Variants in NTM observed in about 807,000 individuals in gnomAD.
NTM encodes the protein IgLON family member 2.
In NTM, 13 loss-of-function variants were observed where a neutral mutation model predicts 42.1. The ratio of observed to expected loss-of-function variants is 0.31; its 90% CI spans 0.20 to 0.49. NTM has a LOEUF of 0.49. Among genes scored for constraint, NTM ranks in the 20% least tolerant of loss-of-function variants. The probability of loss-of-function intolerance (pLI) is 0.99; values close to 1 mark genes in which losing one functional copy is unlikely to be tolerated. For missense variants in NTM, 373 were observed against 452.8 expected (o/e 0.82, Z 1.60); for synonymous variants, 187 against 179.2 (o/e 1.04, Z -0.35).
intron 1 of NTM, among the ~76,000 whole-genome samples, chr11:131,885,484 T>C (rs998252390): frequency 3.9e-5 from 6 of 152,042 alleles, no homozygotes; most frequent in East Asian, 1.9e-4. Context: ...GTCTTCATTA[T>C]GAAATTAGAT....
At chr11:131,471,079 T>C (rs2136177473) in intron 1 of NTM, among the ~76,000 whole-genome samples, 1 of 152,316 alleles carries the variant, frequency 6.6e-6, no homozygotes, top group Non-Finnish European at 1.5e-5. Flanking sequence ...AGTGAATTCC[T>C]GAACAATCAA....
rs1555162387 is a variant in NTM, at chr11:131,873,549, C to CGGT, written c.83-38015_83-38014insGGT. 4.9e-5 allele frequency among the ~76,000 whole-genome samples: 2 copies of CGGT among 40,788 alleles called. 1 individual carries two copies. Among genetic ancestry groups the CGGT allele is most frequent in the African/African-American group, 1.4e-4 (2 of 14,096 alleles). The allele number at this position is 40,788 out of a possible 152,430, so 26.8% of individuals were successfully genotyped here. On this transcript the variant is annotated intron_variant, in intron 1 of 8. Transcript: ENST00000683400. ...GTGTGTGTGTGTGTGTATATATATA[C>CGGT]ATATATATATACCGTATATATATAC...
At chr11:132,317,291 T>TG (rs535935144) in intron 7 of NTM, among the ~76,000 whole-genome samples, 78 of 151,818 alleles carry the variant, frequency 5.1e-4, no homozygotes, top group African/African-American at 1.8e-3. Flanking sequence ...GATGAAACGA[T>TG]GGGGGTGGGG....
chr11:131,385,543 G>GT (rs1352225019), intron 1 of NTM, among the ~76,000 whole-genome samples: 2 of 151,680 alleles, frequency 1.3e-5, no homozygotes, highest in African/African-American at 4.9e-5. Context: ...AGTGGAAAGA[G>GT]TTTGGGGGTT....
chr11:131,788,375 T>C (rs2136076276), intron 1 of NTM, among the ~76,000 whole-genome samples: 1 of 152,248 alleles, frequency 6.6e-6, no homozygotes, highest in East Asian at 1.9e-4. Context: ...TATTATATAG[T>C]ATATGGAGAT....
intron 2 of NTM, among the ~76,000 whole-genome samples, chr11:132,102,721 C>T (rs1200824841): frequency 1.3e-5 from 2 of 152,116 alleles, no homozygotes; most frequent in Non-Finnish European, 2.9e-5. Flanking sequence ...TACAGATCAC[C>T]CATTTGCATA....
chr11:131,511,802 AG>A (rs1251062049), intron 1 of NTM, among the ~76,000 whole-genome samples: 1 of 152,190 alleles, frequency 6.6e-6, no homozygotes, highest in Non-Finnish European at 1.5e-5. Flanking sequence ...CAGCTCTTAC[AG>A]CACAAATGGG....
intron 1 of NTM, among the ~76,000 whole-genome samples, chr11:131,599,747 G>T (rs1240751627): frequency 6.6e-6 from 1 of 152,198 alleles, no homozygotes; most frequent in Admixed American, 6.5e-5. Context: ...CAGAAGCACA[G>T]AAAAAGTTTA....
intron 2 of NTM, among the ~76,000 whole-genome samples, chr11:132,088,972 G>A (rs901836808): frequency 1.6e-4 from 25 of 152,066 alleles, no homozygotes; most frequent in African/African-American, 5.1e-4. Flanking sequence ...AAGACTGTAA[G>A]AGGAATGCCT....
At chr11:132,199,895 T>A (rs1355208476) in intron 3 of NTM, among the ~76,000 whole-genome samples, 1 of 151,990 alleles carries the variant, frequency 6.6e-6, no homozygotes, top group Non-Finnish European at 1.5e-5. Context: ...AGGAATCTAA[T>A]AAAGACATTC....
chr11:131,620,213 T>C (rs2062384599), intron 1 of NTM, among the ~76,000 whole-genome samples: 1 of 152,198 alleles, frequency 6.6e-6, no homozygotes, highest in South Asian at 2.1e-4. Flanking sequence ...AATAAAGTTT[T>C]CTTTACAGAC....
chr11:131,833,710 G>C (rs1002452699), intron 1 of NTM, among the ~76,000 whole-genome samples: 8 of 152,176 alleles, frequency 5.3e-5, no homozygotes, highest in Non-Finnish European at 1.2e-4. Flanking sequence ...ATTAGGCCCT[G>C]TACCCTAAAG....
chr11:132,292,375 T>C (rs1380959262), intron 4 of NTM, among the ~76,000 whole-genome samples: 1 of 152,150 alleles, frequency 6.6e-6, no homozygotes, highest in Admixed American at 6.5e-5. Flanking sequence ...AAAATGAGTC[T>C]GTCTGACGGC....
chr11:132,302,190 C>T (rs1007817055), intron 4 of NTM, among the ~76,000 whole-genome samples: 2 of 152,200 alleles, frequency 1.3e-5, no homozygotes, highest in East Asian at 3.9e-4. Flanking sequence ...CTTCGGTTGT[C>T]GTATTCCACT....
At chr11:132,186,542 G>T (rs1194335289) in intron 3 of NTM, among the ~76,000 whole-genome samples, 1 of 152,152 alleles carries the variant, frequency 6.6e-6, no homozygotes, top group East Asian at 1.9e-4. Context: ...CATCCACGTG[G>T]CCACTGCTTT....
At chr11:131,608,151 G>T (rs2061153541) in intron 1 of NTM, among the ~76,000 whole-genome samples, 1 of 152,100 alleles carries the variant, frequency 6.6e-6, no homozygotes, top group Non-Finnish European at 1.5e-5. Flanking sequence ...GCAGTGTGTG[G>T]TTTTTTATCC....
chr11:132,024,531 G>A (rs542342397), intron 2 of NTM, among the ~76,000 whole-genome samples: 2 of 151,968 alleles, frequency 1.3e-5, no homozygotes, highest in Admixed American at 6.5e-5. Flanking sequence ...TTTTTTTGTT[G>A]GTTTTGTTTT....
At chr11:131,457,002 G>A (rs999350668) in intron 1 of NTM, among the ~76,000 whole-genome samples, 5 of 152,148 alleles carry the variant, frequency 3.3e-5, no homozygotes, top group Non-Finnish European at 7.3e-5. Flanking sequence ...GTGTGCTCAA[G>A]GGGTGCAATG....
chr11:132,220,423 T>C (rs553847037), intron 4 of NTM, among the ~76,000 whole-genome samples: 2 of 152,336 alleles, frequency 1.3e-5, no homozygotes, highest in African/African-American at 4.8e-5. Flanking sequence ...ATAGGGGTTT[T>C]TGTAAATTTA....
Sources: gnomAD v4.1 joint callset for allele counts (sites outside exome capture counted in the v4.1 genomes callset) on GRCh38, gnomAD v4.1.1 for gene constraint, MANE v1.5 for transcripts, NCBI Gene and HGNC (gene_info 2026-07-23, HGNC 2026-07-21) for gene names.